Variants in KLHL4 observed in about 807,000 individuals in gnomAD.
The protein encoded by KLHL4 is kelch like family member 4.
Under a neutral mutation model 45.8 loss-of-function variants are expected in KLHL4, and 17 were observed. That is an observed-to-expected ratio of 0.37 (90% CI 0.25 to 0.56). The LOEUF is 0.56. Among genes scored for constraint, KLHL4 ranks in the 20% least tolerant of loss-of-function variants. The probability of loss-of-function intolerance (pLI) is 0.79; values close to 1 mark genes in which losing one functional copy is unlikely to be tolerated. For missense variants in KLHL4, 544 were observed against 544.9 expected (o/e 1.00, Z 0.02); for synonymous variants, 224 against 189.9 (o/e 1.18, Z -1.47).
rs1268557111 is a variant in KLHL4, at chrX:87,632,253, G to C, written c.1368G>C (p.Trp456Cys). 8.3e-7 allele frequency: 1 copy of C among 1,204,366 alleles called. No homozygotes were observed. The highest frequency in any genetic ancestry group is 1.1e-6 in the Non-Finnish European group (1 of 890,493). Residue 456 changes from tryptophan (W) to cysteine (C), a missense_variant, in exon 7 of 11, where the codon TGG becomes TGC. Trp to Cys is a radical substitution (Grantham distance 215, BLOSUM62 -2). Coordinates refer to ENST00000373119, the MANE Select transcript of KLHL4 (RefSeq NM_019117.5). ...IEKYDLRTNS[W>C]LHIGTMNGRR... ...AATATGACCTCAGGACCAACAGTTG[G>C]CTACATATTGGCACCATGAATGGCC... is the stretch of plus-strand genomic sequence containing the variant.
At chrX:87,617,065 C>G (rs1207180116) in intron 3 of KLHL4, among the ~76,000 whole-genome samples, 1 of 111,708 alleles carries the variant, frequency 9.0e-6, no homozygotes, top group East Asian at 2.8e-4. Context: ...GTAGGAATGT[C>G]TCATAAAATC....
At chrX:87,625,992 T>A (rs1922912843) in intron 6 of KLHL4, among the ~76,000 whole-genome samples, 196 bp downstream of exon 6, 2 of 112,298 alleles carry the variant, frequency 1.8e-5, no homozygotes. Flanking sequence ...AGTGTTGAAC[T>A]CTTAATAGGC....
chrX:87,651,672 G>A (rs773596773), intron 9 of KLHL4, among the ~76,000 whole-genome samples: 1 of 112,513 alleles, frequency 8.9e-6, no homozygotes, highest in Non-Finnish European at 1.9e-5. Flanking sequence ...GCAAGAGGTG[G>A]GTTCCCATGG....
intron 9 of KLHL4, among the ~76,000 whole-genome samples, chrX:87,637,773 AC>A (rs1315877113): frequency 2.7e-5 from 3 of 110,516 alleles, no homozygotes; most frequent in African/African-American, 9.9e-5. Context: ...ACATGGCAAA[AC>A]CCTTTCTGTA....
chrX:87,650,097 G>A (rs1602464623), intron 9 of KLHL4, among the ~76,000 whole-genome samples: 1 of 110,942 alleles, frequency 9.0e-6, no homozygotes, highest in African/African-American at 3.3e-5. Context: ...AGATCACATT[G>A]TGTATTGATA....
intron 9 of KLHL4, among the ~76,000 whole-genome samples, chrX:87,658,916 T>C (rs1433338733): frequency 9.0e-6 from 1 of 110,856 alleles, no homozygotes; most frequent in East Asian, 2.8e-4. Context: ...TACAATACTG[T>C]CTCTTTATCT....
intron 1 of KLHL4, among the ~76,000 whole-genome samples, chrX:87,570,365 C>G (rs1335007435): frequency 9.0e-6 from 1 of 110,615 alleles, no homozygotes; most frequent in Non-Finnish European, 1.9e-5. Flanking sequence ...AGTAGGGTAG[C>G]TCAATGAGGA....
intron 1 of KLHL4, among the ~76,000 whole-genome samples, chrX:87,568,703 G>C (rs1454747557): frequency 1.8e-5 from 2 of 110,942 alleles, no homozygotes; most frequent in Non-Finnish European, 3.8e-5. Flanking sequence ...ATACATCTAT[G>C]GTCAGTTGAT....
In KLHL4 at chrX:87,632,234, A is replaced by T. The variant is rs769844295; in HGVS notation, c.1349A>T (p.Asp450Val). 1 of 1,192,352 alleles carries T rather than the reference A, an allele frequency of 8.4e-7. No homozygotes were observed. Among genetic ancestry groups the T allele is most frequent in the South Asian group, 1.8e-5 (1 of 55,963 alleles). Residue 450 changes from aspartate to valine, a missense_variant, in exon 7 of 11, where the codon GAC becomes GTC. Physicochemically the swap from Asp to Val is radical, Grantham distance 152. Transcript: ENST00000373119. The stretch of plus-strand genomic sequence containing the variant: ...GGTACTACTACTATTGAAAAATATG[A>T]CCTCAGGACCAACAGTTGGCTACAT... ...MKGTTTIEKY[D>V]LRTNSWLHIG... is the part of the protein sequence containing the mutation.
intron 9 of KLHL4, among the ~76,000 whole-genome samples, chrX:87,656,468 T>C (rs983194307): frequency 9.2e-6 from 1 of 108,912 alleles, no homozygotes; most frequent in Admixed American, 1.0e-4. Flanking sequence ...CTTGGTCTAG[T>C]CTATCGTTGA....
Position 87,658,801 on chromosome X carries a change from T to A in KLHL4, c.1926-5963T>A, listed in dbSNP as rs758568458. 3.6e-5 allele frequency among the ~76,000 whole-genome samples: 4 copies of A among 110,928 alleles called. 1 individual carries two copies. The South Asian group carries it at 1.5e-3, about 42-fold the overall frequency. ...TGCCAGCAAAGCCCCTAATTTGCCC[T>A]CTTTAAAAAAAAATGCCTCTGTCTT... On this transcript the variant is annotated intron_variant, in intron 9 of 10. Coordinates refer to ENST00000373119, the MANE Select transcript of KLHL4 (RefSeq NM_019117.5).
intron 9 of KLHL4, among the ~76,000 whole-genome samples, chrX:87,654,732 TA>T: frequency 8.9e-6 from 1 of 112,067 alleles, no homozygotes; most frequent in East Asian, 2.8e-4. Flanking sequence ...CTGATTGCCA[TA>T]AAGATTGTAC....
intron 1 of KLHL4, among the ~76,000 whole-genome samples, chrX:87,529,174 C>A (rs5969238): frequency 0.26 from 28,883 of 110,286 alleles, 3,100 homozygotes; most frequent in East Asian, 0.54. Flanking sequence ...AATTTATGAC[C>A]ATTAGACTGG....
chrX:87,541,489 TCA>T (rs201677501), intron 1 of KLHL4, among the ~76,000 whole-genome samples: 1,247 of 27,927 alleles, frequency 0.045, 40 homozygotes, highest in South Asian at 0.084. Context: ...AGACTCCATC[TCA>T]CAAAAAAAAA....
At chrX:87,611,899 C>G (rs1236828606) in intron 1 of KLHL4, among the ~76,000 whole-genome samples, 1 of 110,269 alleles carries the variant, frequency 9.1e-6, no homozygotes, top group African/African-American at 3.3e-5. Context: ...CTTGTATAGG[C>G]CTAGGTTAAT....
At chrX:87,558,122 A>C (rs191767195) in intron 1 of KLHL4, among the ~76,000 whole-genome samples, 1 of 112,093 alleles carries the variant, frequency 8.9e-6, no homozygotes, top group Admixed American at 9.5e-5. Flanking sequence ...TACCCCAAGT[A>C]AAATGTGTTT....
chrX:87,666,893 A>T lies in KLHL4; in HGVS notation c.*359A>T. On this transcript the variant is annotated 3_prime_UTR_variant, in exon 11 of 11. Coordinates refer to ENST00000373119, the MANE Select transcript of KLHL4 (RefSeq NM_019117.5). ...AATACATTTCAAGGTAAGAGCCTTA[A>T]AAGTTAAAAACATTTTCAGTTTTTT... is the stretch of plus-strand genomic sequence containing the variant. 1 of 723,104 alleles carries T rather than the reference A, an allele frequency of 1.4e-6. No homozygotes were observed. Among genetic ancestry groups the T allele is most frequent in the South Asian group, 7.1e-5 (1 of 14,008 alleles). 59.6% of individuals were successfully genotyped at this position (723,104 alleles called of 1,213,427 possible). A position where few individuals can be genotyped will look rare whatever the true frequency, so the allele number is the denominator to read the frequency against.
chrX:87,659,959 A>AGTGTGTGTGT (rs113545604), intron 9 of KLHL4, among the ~76,000 whole-genome samples: 133 of 103,511 alleles, frequency 1.3e-3, no homozygotes, highest in African/African-American at 4.6e-3. Flanking sequence ...TGCGCGTATG[A>AGTGTGTGTGT]GTGTGTGTGT....
chrX:87,523,953 A>T (rs1931056648), intron 1 of KLHL4, among the ~76,000 whole-genome samples: 1 of 110,986 alleles, frequency 9.0e-6, no homozygotes, highest in South Asian at 3.8e-4. Flanking sequence ...ACAGAGTGAA[A>T]CTCCGTCTCA....
Sources: gnomAD v4.1 joint callset for allele counts (sites outside exome capture counted in the v4.1 genomes callset) on GRCh38, gnomAD v4.1.1 for gene constraint, MANE v1.5 for transcripts, NCBI Gene and HGNC (gene_info 2026-07-23, HGNC 2026-07-21) for gene names.